The following CSMD3 variants were observed in gnomAD, a reference collection of about 807,000 sequenced individuals.
CSMD3 encodes the protein CUB and sushi domain-containing protein 3.
Under a neutral mutation model 435.2 loss-of-function variants are expected in CSMD3, and 177 were observed. That is an observed-to-expected ratio of 0.41 (90% confidence interval 0.36 to 0.46). The LOEUF (loss-of-function observed/expected upper bound fraction) is 0.46. Ranked by LOEUF, CSMD3 falls within the 20% of genes least tolerant of loss-of-function variation. The probability of loss-of-function intolerance (pLI) is 0.34; values close to 1 mark genes in which losing one functional copy is unlikely to be tolerated. For missense variants in CSMD3, 4,265 were observed against 4,504.6 expected (o/e 0.95, Z 1.52); for synonymous variants, 1,656 against 1,520.5 (o/e 1.09, Z -2.07).
intron 10 of CSMD3, among the ~76,000 whole-genome samples, chr8:112,887,388 A>G (rs1215428562): frequency 6.6e-6 from 1 of 151,302 alleles, no homozygotes; most frequent in African/African-American, 2.4e-5. Flanking sequence ...AGAGTATTAA[A>G]GAAAAAATAT....
At chr8:112,633,046 A>G (rs924646928) in intron 22 of CSMD3, among the ~76,000 whole-genome samples, 2 of 152,082 alleles carry the variant, frequency 1.3e-5, no homozygotes, top group African/African-American at 2.4e-5. Context: ...TAAAACTTTC[A>G]TCTTGATTAC....
At chr8:112,702,165 C>G (rs566846986) in intron 13 of CSMD3, among the ~76,000 whole-genome samples, 1 of 152,172 alleles carries the variant, frequency 6.6e-6, no homozygotes, top group East Asian at 1.9e-4. Context: ...TACATTTAAT[C>G]CTGACACAGC....
Position 112,311,035 on chromosome 8 carries a change from A to G in CSMD3, c.7828T>C (p.Cys2610Arg), listed in dbSNP as rs761427002. The G allele has an allele frequency of 1.2e-6, 2 of 1,614,142 alleles. No individual in the cohort carries two copies. Among genetic ancestry groups the G allele is most frequent in the Non-Finnish European group, 1.7e-6 (2 of 1,179,998 alleles). ...TGATACCCATAGGAAGACTTTCTGC[A>G]CACAGCACTGCTTTTTCCAACAAGT... ...FRLVGKSSAV[C>R]RKSSYGYHAW... Residue 2610 changes from cysteine (C) to arginine (R), a missense_variant, in exon 50 of 71, where the codon TGC becomes CGC. Cys to Arg is a radical substitution (Grantham distance 180). Transcript: ENST00000297405.
chr8:113,278,706 T>A lies in CSMD3; in HGVS notation c.402-2A>T. 7.4e-7 allele frequency: 1 copy of A among 1,343,042 alleles called. No homozygotes were observed. The highest frequency in any genetic ancestry group is 1.1e-6 in the Non-Finnish European group (1 of 933,354). The allele number at this position is 1,343,042 out of a possible 1,614,324, so 83.2% of individuals were successfully genotyped here. On this transcript the variant is annotated splice_acceptor_variant, in intron 2 of 70. Transcript: ENST00000297405. LOFTEE classifies it high-confidence loss of function. Reference sequence around the variant, plus strand: ...GGTGGCAGATGGAATCCTGTTAACCTAAAACAAAATGGAATTAATTGTTAG... The same window carrying A: ...GGTGGCAGATGGAATCCTGTTAACCAAAAACAAAATGGAATTAATTGTTAG...
At chr8:112,557,697 C>A (rs751171977) in intron 24 of CSMD3, among the ~76,000 whole-genome samples, 5 of 151,932 alleles carry the variant, frequency 3.3e-5, no homozygotes, top group Admixed American at 6.6e-5. Flanking sequence ...CAAATCCCCA[C>A]TCCATGGGGA....
At chr8:112,955,910 C>T (rs906523533) in intron 7 of CSMD3, among the ~76,000 whole-genome samples, 1 of 151,778 alleles carries the variant, frequency 6.6e-6, no homozygotes, top group African/African-American at 2.4e-5. Context: ...TCATTCTAAG[C>T]AATTAGTTCA....
intron 10 of CSMD3, among the ~76,000 whole-genome samples, chr8:112,883,576 G>A (rs2081507184): frequency 6.6e-6 from 1 of 151,798 alleles, no homozygotes; most frequent in Admixed American, 6.6e-5. Context: ...TAATTTTAGA[G>A]TCACAGAGAA....
At chr8:113,337,028 G>GT (rs1468408829) in intron 1 of CSMD3, among the ~76,000 whole-genome samples, 2 of 152,178 alleles carry the variant, frequency 1.3e-5, no homozygotes, top group East Asian at 1.9e-4. Flanking sequence ...CAACTCAACG[G>GT]TTTTTTGTCT....
intron 12 of CSMD3, among the ~76,000 whole-genome samples, chr8:112,818,124 A>G (rs2079429529): frequency 6.6e-6 from 1 of 151,924 alleles, no homozygotes; most frequent in African/African-American, 2.4e-5. Flanking sequence ...TAAGTAATTG[A>G]TTTTACCTTT....
At chr8:113,030,489 T>C (rs1437430624) in intron 5 of CSMD3, among the ~76,000 whole-genome samples, 3 of 84,346 alleles carry the variant, frequency 3.6e-5, no homozygotes, top group Non-Finnish European at 7.9e-5. Context: ...GATGCAGAAA[T>C]AAACCCAAAT....
chr8:112,565,769 G>T (rs1264630914), intron 24 of CSMD3, among the ~76,000 whole-genome samples: 3 of 151,948 alleles, frequency 2.0e-5, no homozygotes, highest in Non-Finnish European at 1.5e-5. Context: ...TTGCAATTTG[G>T]CTCTGTAATA....
At chr8:113,420,962 T>C (rs1224412004) in intron 1 of CSMD3, among the ~76,000 whole-genome samples, 2 of 151,332 alleles carry the variant, frequency 1.3e-5, no homozygotes, top group Admixed American at 1.3e-4. Context: ...TAAATTATAA[T>C]ACGATGATGA....
In CSMD3 at chr8:113,209,413, T is replaced by C. The variant is rs74806908; in HGVS notation, c.515-35497A>G. Among the ~76,000 whole-genome samples, 848 of 152,248 alleles carry C rather than the reference T, an allele frequency of 5.6e-3. 6 individuals carry two copies. Among genetic ancestry groups the C allele is most frequent in the Non-Finnish European group, 9.5e-3 (647 of 68,006 alleles). ...ACAAGATATTTCAAGAATTCATCTA[T>C]TGTAAGTTCCATAAGAGTGTAACAA... is the stretch of plus-strand genomic sequence containing the variant. On this transcript the variant is annotated intron_variant, in intron 3 of 70. Coordinates refer to ENST00000297405, the MANE Select transcript of CSMD3 (RefSeq NM_198123.2).
chr8:112,551,383 G>A (rs900291493), intron 26 of CSMD3, among the ~76,000 whole-genome samples: 10 of 151,942 alleles, frequency 6.6e-5, no homozygotes, highest in African/African-American at 2.4e-4. Context: ...CTTTTGCCAC[G>A]TTTCATGTTA....
At chr8:112,262,292 T>G (rs1816492064) in intron 61 of CSMD3, among the ~76,000 whole-genome samples, 1 of 152,144 alleles carries the variant, frequency 6.6e-6, no homozygotes, top group South Asian at 2.1e-4. Flanking sequence ...TTCTGTGTTC[T>G]CCATAACATT....
chr8:113,118,845 C>G (rs997757366), intron 4 of CSMD3, among the ~76,000 whole-genome samples: 1 of 152,038 alleles, frequency 6.6e-6, no homozygotes. Flanking sequence ...GCAAAATTGC[C>G]GCAGCAGGGG....
chr8:113,436,625 C>G (rs2130148255), intron 1 of CSMD3, 52 bp downstream of exon 1: 2 of 1,538,684 alleles, frequency 1.3e-6, no homozygotes, highest in Non-Finnish European at 1.8e-6. Flanking sequence ...TCTCCATCTA[C>G]AAGTCAGCCC....
At chr8:113,120,661 T>G (rs2090960610) in intron 4 of CSMD3, among the ~76,000 whole-genome samples, 1 of 152,140 alleles carries the variant, frequency 6.6e-6, no homozygotes, top group African/African-American at 2.4e-5. Flanking sequence ...TTATCCAAAA[T>G]TATAGCTAAT....
chr8:112,629,387 T>C (rs1477568220), intron 22 of CSMD3, among the ~76,000 whole-genome samples: 1 of 151,922 alleles, frequency 6.6e-6, no homozygotes, highest in Non-Finnish European at 1.5e-5. Flanking sequence ...AGAGAAGGGG[T>C]CTCATTATTT....
Sources: allele counts gnomAD v4.1 joint callset (sites outside exome capture counted in the v4.1 genomes callset), GRCh38; gene constraint gnomAD v4.1.1; transcripts MANE v1.5; gene names NCBI Gene and HGNC (gene_info 2026-07-23, HGNC 2026-07-21).